ECM2: variants seen among roughly 807,000 people sequenced by gnomAD.
ECM2 encodes the protein extracellular matrix protein 2, female organ and adipocyte specific.
In ECM2, 57 loss-of-function variants were observed where a neutral mutation model predicts 67.5. That is an observed-to-expected ratio of 0.84 (90% CI 0.68 to 1.05). The LOEUF (loss-of-function observed/expected upper bound fraction) is 1.05. ECM2 is among the 50% of genes least tolerant of loss of function. The probability of loss-of-function intolerance (pLI) is 0.00; values close to 1 mark genes in which losing one functional copy is unlikely to be tolerated. For missense variants in ECM2, 741 were observed against 822.8 expected, an observed-to-expected ratio of 0.90 and a Z score of 1.22; for synonymous variants, 258 against 294.5, an observed-to-expected ratio of 0.88 and a Z score of 1.27.
chr9:92,521,179 T>C (rs971349854), intron 2 of ECM2, among the ~76,000 whole-genome samples: 1 of 152,220 alleles, frequency 6.6e-6, no homozygotes, highest in Non-Finnish European at 1.5e-5. Context: ...TTGGAAATAC[T>C]TAGTATATAT....
chr9:92,498,877 A>G (rs1846509833), intron 9 of ECM2, among the ~76,000 whole-genome samples: 1 of 152,230 alleles, frequency 6.6e-6, no homozygotes, highest in Non-Finnish European at 1.5e-5. Context: ...ATATTCAATT[A>G]TGTTAAATTT....
upstream of ECM2, among the ~76,000 whole-genome samples, chr9:92,537,792 C>T (rs1164939003): frequency 6.6e-6 from 1 of 152,150 alleles, no homozygotes; most frequent in Admixed American, 6.5e-5. Context: ...CAGTAACAGT[C>T]AAGAAAAGTA....
intron 9 of ECM2, among the ~76,000 whole-genome samples, chr9:92,497,695 G>GT (rs1846429749): frequency 6.6e-6 from 1 of 151,492 alleles, no homozygotes; most frequent in South Asian, 2.1e-4. Flanking sequence ...ATAAGGTTTG[G>GT]TTTTTTTGAC....
chr9:92,552,218 C>CCCA, the ECM2 span, among the ~76,000 whole-genome samples: 3 of 149,978 alleles, frequency 2.0e-5, no homozygotes, highest in African/African-American at 7.4e-5. Flanking sequence ...CACACACACC[C>CCCA]CACAGTTTCT....
chr9:92,494,009 G>C (rs1032543347), downstream of ECM2: 1 of 1,481,660 alleles, frequency 6.7e-7, no homozygotes. Context: ...TGTGCTCGTC[G>C]CATTGTCACC....
Position 92,515,189 on chromosome 9 carries a change from G to C in ECM2, c.496C>G (p.Leu166Val). 1 of 1,585,124 alleles carries C rather than the reference G, an allele frequency of 6.3e-7. No homozygotes were observed. Among genetic ancestry groups the C allele is most frequent in the Non-Finnish European group, 8.6e-7 (1 of 1,167,784 alleles). Residue 166 changes from leucine (L) to valine (V), a missense_variant, in exon 4 of 10, where the codon CTC becomes GTC. Leu to Val is a conservative substitution (Grantham distance 32, BLOSUM62 1). Transcript: ENST00000344604. ...CTATCATTTAATGCTATACCACTGA[G>C]TAGAGAATAGGAGACTAATGACCAC... ...VCSATVSYSLLSGIALNDRNE... is the reference protein window; with the variant it reads ...VCSATVSYSLVSGIALNDRNE...
the ECM2 span, among the ~76,000 whole-genome samples, chr9:92,557,953 A>G: frequency 1.4e-4 from 21 of 152,112 alleles, no homozygotes; most frequent in African/African-American, 4.8e-4. Flanking sequence ...TGCATTTCGC[A>G]TTTCTAAAAG....
chr9:92,514,564 C>T (rs910371744), intron 4 of ECM2, 67 bp downstream of exon 4: 32 of 1,514,010 alleles, frequency 2.1e-5, no homozygotes, highest in East Asian at 1.4e-4. Context: ...CGTGAGCCAC[C>T]GTGCCCAGCT....
At chr9:92,512,397 GCCAGA>G (rs1847407834) in intron 4 of ECM2, among the ~76,000 whole-genome samples, 1 of 152,214 alleles carries the variant, frequency 6.6e-6, no homozygotes, top group African/African-American at 2.4e-5. Context: ...GCTTAACACA[GCCAGA>G]ATGTGGTCTG....
chr9:92,502,532 A>G lies in ECM2; in HGVS notation c.1585T>C (p.Leu529=). 1 of 1,613,082 alleles carries G rather than the reference A, an allele frequency of 6.2e-7. No homozygotes were observed. The highest frequency in any genetic ancestry group is 8.5e-7 in the Non-Finnish European group (1 of 1,179,562). ...NKIEENRIAP[L]AWINQENLES... Reference sequence around the variant, plus strand: ...ACTTACTCTTGATTTATCCAGGCTAAAGGAGCAATCCTATTTTCTTCAATT... The same window carrying G: ...ACTTACTCTTGATTTATCCAGGCTAGAGGAGCAATCCTATTTTCTTCAATT... Residue 529 remains leucine, a synonymous_variant, in exon 8 of 10, where the codon TTA becomes CTA. Transcript: ENST00000344604.
chr9:92,552,012 A>G, the ECM2 span, among the ~76,000 whole-genome samples: 226 of 145,678 alleles, frequency 1.6e-3, no homozygotes, highest in Non-Finnish European at 2.2e-3. Flanking sequence ...GTGTATATAT[A>G]TGATATGATA....
At chr9:92,535,831 G>A (rs1849135898) in intron 1 of ECM2, 102 bp downstream of exon 1, 3 of 326,204 alleles carry the variant, frequency 9.2e-6, no homozygotes, top group Non-Finnish European at 1.8e-5. Context: ...TATTAGTAAC[G>A]AGCTAATTTA....
chr9:92,541,694 C>T, the ECM2 span, among the ~76,000 whole-genome samples: 5 of 151,942 alleles, frequency 3.3e-5, no homozygotes, highest in South Asian at 2.1e-4. Flanking sequence ...TTTATTCATT[C>T]GCTGATGGAC....
intron 3 of ECM2, among the ~76,000 whole-genome samples, chr9:92,516,403 C>T (rs1184342110): frequency 6.6e-6 from 1 of 152,134 alleles, no homozygotes; most frequent in Non-Finnish European, 1.5e-5. Context: ...TAAAAATTTA[C>T]TTAATCATCT....
the ECM2 span, among the ~76,000 whole-genome samples, chr9:92,546,828 C>G: frequency 1.3e-5 from 2 of 152,084 alleles, no homozygotes; most frequent in Non-Finnish European, 2.9e-5. Flanking sequence ...CAAGAAGAAT[C>G]AGAAAATCTA....
upstream of ECM2, chr9:92,538,943 G>C (rs1849252099): frequency 6.6e-6 from 1 of 152,038 alleles, no homozygotes; most frequent in South Asian, 2.1e-4. Context: ...AATAAATTGG[G>C]GTTTTTTTTA....
chr9:92,533,306 A>C (rs916434852), intron 1 of ECM2, among the ~76,000 whole-genome samples: 6 of 43,026 alleles, frequency 1.4e-4, no homozygotes, highest in Admixed American at 4.6e-4. Context: ...TCTCAAACAA[A>C]AAAAAAAAAA....
chr9:92,508,513 A>G (rs1847145065), intron 6 of ECM2, among the ~76,000 whole-genome samples: 1 of 152,214 alleles, frequency 6.6e-6, no homozygotes, highest in Admixed American at 6.5e-5. Context: ...TGATAACCCA[A>G]CTAAAAGTGT....
Position 92,517,931 on chromosome 9 carries a change from G to T in ECM2, c.293-56C>A, listed in dbSNP as rs1483499091. 2.8e-5 allele frequency: 44 copies of T among 1,596,692 alleles called. No homozygotes were observed. In the Admixed American group the frequency reaches 7.3e-4, roughly 26 times the overall value. On this transcript the variant is annotated intron_variant, in intron 2 of 9. Coordinates refer to ENST00000344604, the MANE Select transcript of ECM2 (RefSeq NM_001393.4). ...TTCTTATGTGATTATCAGTAACTGT[G>T]AATGGAAGTAAACACAATGTGAAGT...
Sources: allele counts gnomAD v4.1 joint callset (sites outside exome capture counted in the v4.1 genomes callset), GRCh38; gene constraint gnomAD v4.1.1; transcripts MANE v1.5; gene names NCBI Gene and HGNC (gene_info 2026-07-23, HGNC 2026-07-21).